The following NAV3 variants were observed in gnomAD, a reference collection of about 807,000 sequenced individuals.
NAV3 encodes pore membrane and/or filament interacting like protein 1.
NAV3 carries 87 observed loss-of-function variants against 244.7 expected under a neutral mutation model. That is an observed-to-expected ratio of 0.36 (90% CI 0.30 to 0.42). The LOEUF (loss-of-function observed/expected upper bound fraction) is 0.42. Ranked by LOEUF, NAV3 falls within the 20% of genes least tolerant of loss-of-function variation. The pLI is 1.00. For synonymous variants in NAV3, 1,126 were observed against 1,042.2 expected (o/e 1.08, Z -1.55); for missense variants, 2,663 against 2,893.3 (o/e 0.92, Z 1.83).
chr12:78,000,671 T>C (rs1469575456), intron 7 of NAV3, among the ~76,000 whole-genome samples: 1 of 69,332 alleles, frequency 1.4e-5, no homozygotes, highest in Non-Finnish European at 2.8e-5. Flanking sequence ...GCCCGGCTAA[T>C]TTTTTGTATT....
At chr12:77,837,377 AATG>A (rs1389497116) in intron 1 of NAV3, among the ~76,000 whole-genome samples, 2 of 152,142 alleles carry the variant, frequency 1.3e-5, no homozygotes, top group African/African-American at 4.8e-5. Context: ...TGACACTGGT[AATG>A]ATATTTAGGA....
chr12:78,061,629 G>A (rs1256469863), intron 12 of NAV3, among the ~76,000 whole-genome samples: 1 of 152,044 alleles, frequency 6.6e-6, no homozygotes, highest in East Asian at 1.9e-4. Context: ...TTCAGGAAGT[G>A]ACTCGGGATG....
intron 2 of NAV3, among the ~76,000 whole-genome samples, chr12:77,810,099 T>G (rs1054132152): frequency 1.3e-5 from 2 of 152,234 alleles, no homozygotes; most frequent in African/African-American, 4.8e-5. Flanking sequence ...ATTTCTAATC[T>G]TCTAAGTAAG....
At chr12:77,773,718 C>A (rs373880190) in intron 2 of NAV3, among the ~76,000 whole-genome samples, 1 of 152,036 alleles carries the variant, frequency 6.6e-6, no homozygotes, top group Non-Finnish European at 1.5e-5. Flanking sequence ...CATTGAGTAA[C>A]CCGCAAATAT....
At chr12:77,835,173 T>C (rs1322799306) in intron 1 of NAV3, among the ~76,000 whole-genome samples, 1 of 152,128 alleles carries the variant, frequency 6.6e-6, no homozygotes, top group Non-Finnish European at 1.5e-5. Flanking sequence ...TCCACTTAAT[T>C]AAAAAGATAC....
chr12:77,888,100 T>C (rs1883506848), intron 1 of NAV3, among the ~76,000 whole-genome samples: 3 of 151,530 alleles, frequency 2.0e-5, no homozygotes, highest in African/African-American at 4.8e-5. Flanking sequence ...CGGTAAAATA[T>C]GATGATTTTA....
chr12:78,190,159 T>A lies in NAV3; in HGVS notation c.6231T>A (p.Ser2077=), dbSNP rs1342316834. Residue 2077 remains serine, a synonymous_variant, in exon 34 of 40, where the codon TCT becomes TCA. Coordinates refer to ENST00000397909, the MANE Select transcript of NAV3 (RefSeq NM_001024383.2). ...NKLAEYVITK[S]GRKKTEDAIA... ...TTGCTGAATATGTAATAACCAAATC[T>A]GGAAGGAAAAAAACAGAGGATGCAA... The A allele has an allele frequency of 6.2e-7, 1 of 1,612,834 alleles. No homozygotes were observed. Among genetic ancestry groups the A allele is most frequent in the Middle Eastern group, 1.7e-4 (1 of 6,050 alleles).
At chr12:77,898,444 A>G (rs1275219637) in intron 1 of NAV3, among the ~76,000 whole-genome samples, 1 of 152,236 alleles carries the variant, frequency 6.6e-6, no homozygotes, top group Admixed American at 6.5e-5. Flanking sequence ...TTTTTCAGAA[A>G]AAAATAAACT....
Position 78,119,770 on chromosome 12 carries a change from G to C in NAV3, c.3574G>C (p.Val1192Leu), listed in dbSNP as rs767312328. 1.1e-5 allele frequency: 17 copies of C among 1,613,958 alleles called. No individual in the cohort carries two copies. The highest frequency in any genetic ancestry group is 4.0e-5 in the African/African-American group (3 of 74,882). Reference protein sequence around the residue: ...TKIGSGRSSPVTVNQTDKEKE... With the variant: ...TKIGSGRSSPLTVNQTDKEKE... Reference sequence around the variant, plus strand: ...AATTGGGTCAGGGCGCTCGAGTCCTGTCACCGTCAACCAAACAGACAAGGA... The same window carrying C: ...AATTGGGTCAGGGCGCTCGAGTCCTCTCACCGTCAACCAAACAGACAAGGA... The change falls in exon 15 of 40, where the codon GTC becomes CTC. Residue 1192 changes from valine (V) to leucine (L), a missense_variant. Physicochemically the swap from Val to Leu is conservative, Grantham distance 32. Around this residue, in one of 6 missense-constraint regions of NAV3, gnomAD observed 1,521 missense variants for 1,497.0 expected, o/e 1.02. Coordinates refer to ENST00000397909, the MANE Select transcript of NAV3 (RefSeq NM_001024383.2).
At chr12:77,619,085 A>G (rs1191449568) in intron 2 of NAV3, among the ~76,000 whole-genome samples, 1 of 151,368 alleles carries the variant, frequency 6.6e-6, no homozygotes, top group Non-Finnish European at 1.5e-5. Context: ...TTAGTACTAT[A>G]TTGGACACTT....
In NAV3 at chr12:78,185,604, T is replaced by C; in HGVS notation, c.5696T>C (p.Ile1899Thr). ...TCTTTCTTTTAAAATTTGATAGATA[T>C]TTTGCTAGATGATGCTGGTGATGCA... ...LNITEAVSSDILLDDAGDATG... is the reference protein window; with the variant it reads ...LNITEAVSSDTLLDDAGDATG... The change falls in exon 31 of 40, where the codon ATT becomes ACT. Residue 1899 changes from isoleucine to threonine, a missense_variant. This residue lies in a region of NAV3 where 543 missense variants were observed against 672.4 expected (regional missense o/e 0.81). Transcript: ENST00000397909. 2 of 1,607,420 alleles carry C rather than the reference T, an allele frequency of 1.2e-6. No individual in the cohort carries two copies. The highest frequency in any genetic ancestry group is 2.2e-5 in the South Asian group (2 of 90,858).
intron 12 of NAV3, among the ~76,000 whole-genome samples, chr12:78,060,115 C>G (rs1884113617): frequency 6.6e-6 from 1 of 152,050 alleles, no homozygotes; most frequent in African/African-American, 2.4e-5. Flanking sequence ...TTTGCTCCCT[C>G]TTCACTCAGA....
chr12:78,017,824 GATTT>G (rs1391555785), intron 8 of NAV3, among the ~76,000 whole-genome samples: 1 of 152,132 alleles, frequency 6.6e-6, no homozygotes, highest in Non-Finnish European at 1.5e-5. Flanking sequence ...CGTCTTCAGA[GATTT>G]AACTCAACTT....
intron 20 of NAV3, among the ~76,000 whole-genome samples, chr12:78,142,061 T>C (rs1358158018): frequency 2.0e-5 from 3 of 152,084 alleles, no homozygotes; most frequent in African/African-American, 7.2e-5. Flanking sequence ...TGACTATAGT[T>C]AACAATAATT....
intron 2 of NAV3, among the ~76,000 whole-genome samples, chr12:77,739,547 T>C (rs1868290028): frequency 6.6e-6 from 1 of 152,168 alleles, no homozygotes; most frequent in Non-Finnish European, 1.5e-5. Context: ...TAATGTCATA[T>C]CAGATAACAA....
intron 2 of NAV3, among the ~76,000 whole-genome samples, chr12:77,788,215 A>G (rs571047428): frequency 9.8e-5 from 15 of 152,342 alleles, no homozygotes; most frequent in African/African-American, 3.6e-4. Flanking sequence ...AGTATATAAC[A>G]TGTATACCTA....
intron 2 of NAV3, among the ~76,000 whole-genome samples, chr12:77,616,081 A>C (rs899436548): frequency 1.3e-5 from 2 of 152,098 alleles, no homozygotes; most frequent in African/African-American, 2.4e-5. Flanking sequence ...TATCCTTCTT[A>C]GTGCCTCAAA....
At chr12:78,110,132 C>T (rs1955013129) in intron 12 of NAV3, among the ~76,000 whole-genome samples, 1 of 151,942 alleles carries the variant, frequency 6.6e-6, no homozygotes, top group South Asian at 2.1e-4. Context: ...AAGTCAGTAG[C>T]ATTTCTATGC....
At chr12:77,693,247 T>C (rs1012286375) in intron 2 of NAV3, among the ~76,000 whole-genome samples, 2 of 152,146 alleles carry the variant, frequency 1.3e-5, no homozygotes, top group Non-Finnish European at 2.9e-5. Flanking sequence ...TCTTGAGTGC[T>C]GTTATTTTAC....
Sources: allele counts gnomAD v4.1 joint callset (sites outside exome capture counted in the v4.1 genomes callset), GRCh38; gene constraint gnomAD v4.1.1; regional missense constraint gnomAD v4.1.1; transcripts MANE v1.5; gene names NCBI Gene and HGNC (gene_info 2026-07-23, HGNC 2026-07-21).